HOXA3: variants seen among roughly 807,000 people sequenced by gnomAD.
The protein encoded by HOXA3 is homeobox A3.
In HOXA3, 8 loss-of-function variants were observed where a neutral mutation model predicts 30.3. The observed-to-expected ratio is 0.26, with a 90% CI of 0.15 to 0.48. The LOEUF (loss-of-function observed/expected upper bound fraction) is 0.48. Among genes scored for constraint, HOXA3 ranks in the 20% least tolerant of loss-of-function variants. The pLI is 0.99. For synonymous variants in HOXA3, 323 were observed against 273.1 expected (o/e 1.18, Z -1.80); for missense variants, 653 against 614.4 (o/e 1.06, Z -0.66).
At chr7:27,151,972 CG>C (rs1782986500) in intron 1 of HOXA3, among the ~76,000 whole-genome samples, 1 of 152,056 alleles carries the variant, frequency 6.6e-6, no homozygotes, top group African/African-American at 2.4e-5. Flanking sequence ...GGGAGAGAGA[CG>C]ACCCAAGGGA....
At chr7:27,125,684 C>T (rs919668733) in intron 3 of HOXA3, among the ~76,000 whole-genome samples, 2 of 152,218 alleles carry the variant, frequency 1.3e-5, no homozygotes, top group African/African-American at 4.8e-5. Context: ...ATGCAGAGAC[C>T]AGGGGAGTGC....
rs145906139 is a variant in HOXA3, at chr7:27,143,520, C to T, written c.-493-3334G>A. On this transcript the variant is annotated intron_variant, in intron 1 of 5. Transcript: ENST00000612286. Reference sequence around the variant, plus strand: ...GCCGAGTCCCTGAATTGCTCGCTCACGGAACTATGATCTCCATAATTATGC... The same window carrying T: ...GCCGAGTCCCTGAATTGCTCGCTCATGGAACTATGATCTCCATAATTATGC... 7.4e-5 allele frequency: 119 copies of T among 1,613,772 alleles called. 1 individual carries two copies. The African/African-American group carries it at 1.4e-3, about 19-fold the overall frequency.
At chr7:27,136,425 C>CAGAATGGGAG (rs1785717087) in intron 2 of HOXA3, among the ~76,000 whole-genome samples, 1 of 152,076 alleles carries the variant, frequency 6.6e-6, no homozygotes, top group Non-Finnish European at 1.5e-5. Context: ...GAGAACCTTG[C>CAGAATGGGAG]AAAAAGTGAA....
At chr7:27,143,237 T>A in intron 1 of HOXA3, 1 of 1,609,176 alleles carries the variant, frequency 6.2e-7, no homozygotes, top group Non-Finnish European at 8.5e-7. Flanking sequence ...GCCGCTGGAG[T>A]TGCTTAGGGA....
intron 2 of HOXA3, among the ~76,000 whole-genome samples, chr7:27,133,504 C>G (rs1021262829): frequency 2.6e-5 from 4 of 152,224 alleles, no homozygotes; most frequent in Non-Finnish European, 1.5e-5. Flanking sequence ...GGGGTGAAAG[C>G]GTTATCCTTT....
At chr7:27,137,511 C>A (rs374576294) in intron 2 of HOXA3, among the ~76,000 whole-genome samples, 1 of 152,144 alleles carries the variant, frequency 6.6e-6, no homozygotes, top group Non-Finnish European at 1.5e-5. Context: ...TTAGTAAGTT[C>A]CTCTGCAAGA....
chr7:27,125,549 C>T (rs1785245871), intron 3 of HOXA3, among the ~76,000 whole-genome samples: 1 of 152,212 alleles, frequency 6.6e-6, no homozygotes, highest in African/African-American at 2.4e-5. Context: ...GTTTCCAGCC[C>T]ATGTGTTTCT....
chr7:27,146,536 G>C (rs1013707856), intron 1 of HOXA3, among the ~76,000 whole-genome samples: 2 of 152,172 alleles, frequency 1.3e-5, no homozygotes, highest in Non-Finnish European at 2.9e-5. Context: ...TCTGTCCTAG[G>C]GAATTCCTAG....
In HOXA3 at chr7:27,110,559, CATT is replaced by C. The variant is rs772441864; in HGVS notation, c.79_81del (p.Asn27del). 79 of 1,606,872 alleles carry C rather than the reference CATT, an allele frequency of 4.9e-5. 1 individual carries two copies. In the African/African-American group the frequency reaches 9.2e-4, roughly 19 times the overall value. On this transcript the variant is annotated inframe_deletion, in exon 5 of 6. Transcript: ENST00000612286. ...GACGCCGGGTACGGCTGCTGATTGG[CATT>C]ATAAGCGAACCCGTTGGCTGCCTGG...
intron 2 of HOXA3, chr7:27,134,363 G>C (rs555280621): frequency 6.6e-6 from 1 of 152,132 alleles, no homozygotes; most frequent in Non-Finnish European, 1.5e-5. Context: ...TGTTTGAGAG[G>C]CCTGAGGTTC....
At chr7:27,144,592 C>A (rs540319013) in intron 1 of HOXA3, among the ~76,000 whole-genome samples, 1 of 152,282 alleles carries the variant, frequency 6.6e-6, no homozygotes, top group South Asian at 2.1e-4. Flanking sequence ...TTGAACCCAG[C>A]GAGTGGGCCC....
In HOXA3 at chr7:27,114,826, TAA is replaced by T. The variant is rs1491516433; in HGVS notation, c.-120-4068_-120-4067del. Among the ~76,000 whole-genome samples the T allele has an allele frequency of 9.9e-4, 98 of 99,046 alleles. 2 individuals carry two copies. Among genetic ancestry groups the T allele is most frequent in the African/African-American group, 3.7e-3 (96 of 25,968 alleles). 65.0% of individuals were successfully genotyped at this position (99,046 alleles called of 152,430 possible). A position where few individuals can be genotyped will look rare whatever the true frequency, so the allele number is the denominator to read the frequency against. On this transcript the variant is annotated intron_variant, in intron 4 of 5. Transcript: ENST00000612286. ...GATTCCTAAAACATACATATATATATAATATATATTATATATATAATATATAT... is the reference window on the plus strand; with the variant it reads ...GATTCCTAAAACATACATATATATATTATATATTATATATATAATATATAT...
intron 2 of HOXA3, chr7:27,128,136 T>C (rs1378098674): frequency 6.6e-6 from 1 of 152,200 alleles, no homozygotes; most frequent in Non-Finnish European, 1.5e-5. Context: ...CAGAGTTCAG[T>C]GTGTAGAACA....
At chr7:27,145,813 G>A in intron 1 of HOXA3, 1 of 1,614,274 alleles carries the variant, frequency 6.2e-7, no homozygotes, top group Non-Finnish European at 8.5e-7. Flanking sequence ...ATGCGGCGGC[G>A]CCGTGTCAGG....
At chr7:27,120,227 G>A (rs1400304755) in intron 4 of HOXA3, among the ~76,000 whole-genome samples, 1 of 152,136 alleles carries the variant, frequency 6.6e-6, no homozygotes, top group Non-Finnish European at 1.5e-5. Context: ...TCTTGGAACA[G>A]TCGAGCAAAT....
chr7:27,128,821 G>A (rs1423487232), intron 2 of HOXA3: 2 of 229,944 alleles, frequency 8.7e-6, no homozygotes, highest in African/African-American at 4.5e-5. Flanking sequence ...AATGGGGGAA[G>A]AGGAGGTAAG....
At chr7:27,145,906 C>T (rs750035049) in intron 1 of HOXA3, 35 of 1,612,460 alleles carry the variant, frequency 2.2e-5, no homozygotes, top group Non-Finnish European at 2.8e-5. Flanking sequence ...CCATGGCTCC[C>T]ATACACAGCA....
In HOXA3 at chr7:27,147,640, G is replaced by T. The variant is rs1197126580; in HGVS notation, c.-494+4648C>A. ...CGACGCCCCGTACGAGGCCGGGAAG[G>T]GCCTCAGCGCGTCATAGCCAGCCTG... On this transcript the variant is annotated intron_variant, in intron 1 of 5. Coordinates refer to ENST00000612286, the MANE Select transcript of HOXA3 (RefSeq NM_153631.3). The T allele has an allele frequency of 1.9e-6, 3 of 1,614,104 alleles. No homozygotes were observed. In the African/African-American group the frequency reaches 4.0e-5, roughly 22 times the overall value.
chr7:27,143,733 C>A, intron 1 of HOXA3: 1 of 1,438,634 alleles, frequency 7.0e-7, no homozygotes, highest in South Asian at 1.5e-5. Flanking sequence ...CCTACGTAGG[C>A]ACCCAAATAT....
Sources: allele counts gnomAD v4.1 joint callset (sites outside exome capture counted in the v4.1 genomes callset), GRCh38; gene constraint gnomAD v4.1.1; transcripts MANE v1.5; gene names NCBI Gene and HGNC (gene_info 2026-07-23, HGNC 2026-07-21).